MAGI1: variants seen among roughly 807,000 people sequenced by gnomAD.
MAGI1 encodes the protein membrane-associated guanylate kinase, WW and PDZ domain-containing protein 1.
MAGI1 carries 58 observed loss-of-function variants against 139.9 expected under a neutral mutation model. The ratio of observed to expected loss-of-function variants is 0.41; its 90% CI spans 0.34 to 0.52. MAGI1 has a LOEUF of 0.52. Ranked by LOEUF, MAGI1 falls within the 20% of genes least tolerant of loss-of-function variation. The pLI, the probability that MAGI1 is intolerant of heterozygous loss-of-function variation, is 0.12. For synonymous variants in MAGI1, 812 were observed against 737.9 expected, an observed-to-expected ratio of 1.10 and a Z score of -1.63; for missense variants, 1,874 against 1,901.6, an observed-to-expected ratio of 0.99 and a Z score of 0.27.
chr3:65,549,275 T>G, intron 2 of MAGI1: 1 of 378,422 alleles, frequency 2.6e-6, no homozygotes, highest in Non-Finnish European at 3.6e-6. Flanking sequence ...CCTCGCCTTC[T>G]CCTTCCTTCC....
intron 1 of MAGI1, among the ~76,000 whole-genome samples, chr3:65,738,621 T>G: frequency 6.6e-6 from 1 of 152,190 alleles, no homozygotes; most frequent in East Asian, 1.9e-4. Flanking sequence ...CTTGAAAGTT[T>G]AAGTGACTCC....
intron 1 of MAGI1, among the ~76,000 whole-genome samples, chr3:65,816,423 C>T (rs1487246348): frequency 6.6e-6 from 1 of 152,100 alleles, no homozygotes; most frequent in Non-Finnish European, 1.5e-5. Context: ...ATTTAAATAG[C>T]CACATGGGGT....
intron 2 of MAGI1, among the ~76,000 whole-genome samples, chr3:65,542,033 G>A (rs1576257137): frequency 1.3e-5 from 2 of 152,232 alleles, no homozygotes; most frequent in African/African-American, 4.8e-5. Context: ...CATCCTCTCA[G>A]CCCAAAATCT....
chr3:65,952,596 C>T (rs150228790), intron 1 of MAGI1, among the ~76,000 whole-genome samples: 1 of 152,138 alleles, frequency 6.6e-6, no homozygotes, highest in African/African-American at 2.4e-5. Flanking sequence ...GGGTGGATCA[C>T]GAGATCAGGA....
intron 1 of MAGI1, among the ~76,000 whole-genome samples, chr3:65,915,856 A>G (rs2061875931): frequency 1.3e-5 from 2 of 152,066 alleles, no homozygotes; most frequent in South Asian, 4.1e-4. Flanking sequence ...AACCCTGAAA[A>G]AAGGACTCAA....
chr3:65,458,365 T>G (rs1949541700), intron 5 of MAGI1, among the ~76,000 whole-genome samples: 1 of 151,590 alleles, frequency 6.6e-6, no homozygotes, highest in African/African-American at 2.4e-5. Context: ...TTTGTTTGTT[T>G]TTTTTTTTTG....
intron 1 of MAGI1, among the ~76,000 whole-genome samples, chr3:65,839,791 C>T (rs1269335337): frequency 6.6e-6 from 1 of 152,084 alleles, no homozygotes; most frequent in Non-Finnish European, 1.5e-5. Flanking sequence ...ACACAGAAGA[C>T]CTGTGAAGAT....
At chr3:65,679,059 G>A (rs761055164) in intron 1 of MAGI1, among the ~76,000 whole-genome samples, 8 of 151,686 alleles carry the variant, frequency 5.3e-5, no homozygotes, top group African/African-American at 7.3e-5. Flanking sequence ...TTAATTTCTC[G>A]TCAGCTAAGC....
At chr3:65,823,588 A>G (rs1188285721) in intron 1 of MAGI1, among the ~76,000 whole-genome samples, 1 of 152,180 alleles carries the variant, frequency 6.6e-6, no homozygotes, top group African/African-American at 2.4e-5. Flanking sequence ...TCAACAACCT[A>G]TCTTTATTCT....
intron 1 of MAGI1, among the ~76,000 whole-genome samples, chr3:65,777,192 C>A (rs1188444242): frequency 1.3e-5 from 2 of 152,110 alleles, no homozygotes; most frequent in African/African-American, 2.4e-5. Context: ...TTTTGAGAAG[C>A]AAACATACAG....
At chr3:65,640,145 G>C (rs1262552332) in intron 1 of MAGI1, among the ~76,000 whole-genome samples, 1 of 151,960 alleles carries the variant, frequency 6.6e-6, no homozygotes, top group Non-Finnish European at 1.5e-5. Context: ...TCTTCAGCTT[G>C]TCATGTGCAG....
chr3:65,915,060 T>G (rs2061836654), intron 1 of MAGI1, among the ~76,000 whole-genome samples: 1 of 152,212 alleles, frequency 6.6e-6, no homozygotes, highest in African/African-American at 2.4e-5. Flanking sequence ...AACAACTCAT[T>G]CAAGGACAAA....
intron 1 of MAGI1, among the ~76,000 whole-genome samples, chr3:65,700,715 T>G (rs1466464337): frequency 6.6e-6 from 1 of 152,208 alleles, no homozygotes; most frequent in Non-Finnish European, 1.5e-5. Context: ...AAAAAATGAC[T>G]GTAACACGTC....
At chr3:65,428,376 G>A (rs4467382) in intron 12 of MAGI1, among the ~76,000 whole-genome samples, 82,556 of 151,922 alleles carry the variant, frequency 0.54, 23,166 homozygotes, top group East Asian at 0.92. Context: ...ATGGTGGAAA[G>A]TATTGCTCAG....
rs147417354 is a variant in MAGI1, at chr3:65,760,002, A to G, written c.314-137914T>C. Among the ~76,000 whole-genome samples the G allele has an allele frequency of 2.9e-3, 441 of 152,302 alleles. 3 individuals carry two copies. The highest frequency in any genetic ancestry group is 0.01 in the African/African-American group (416 of 41,562). The stretch of plus-strand genomic sequence containing the variant: ...TCCTGAGCAAAAATTGGAGAGCACG[A>G]AAGTATTTCCTTCATGTAATAGAAT... On this transcript the variant is annotated intron_variant, in intron 1 of 22. Transcript: ENST00000402939.
At position 65,810,813 on chromosome 3, in the gene MAGI1, C is replaced by T. The variant is rs529601502; in HGVS notation, c.314-188725G>A. Among the ~76,000 whole-genome samples the T allele has an allele frequency of 3.9e-5, 6 of 152,298 alleles. No homozygotes were observed. The South Asian group carries it at 1.2e-3, about 32-fold the overall frequency. ...AGGTCCCTTCATGGTGCACACACAC[C>T]TCGTAATTGACTTTGTTTTGTTATT... On this transcript the variant is annotated intron_variant, in intron 1 of 22. Transcript: ENST00000402939.
intron 1 of MAGI1, among the ~76,000 whole-genome samples, chr3:65,760,316 G>C (rs1314525240): frequency 6.6e-6 from 1 of 151,562 alleles, no homozygotes; most frequent in Admixed American, 6.6e-5. Flanking sequence ...CTTTTTAAAA[G>C]GAAGAAACTG....
chr3:65,359,716 T>C lies in MAGI1; in HGVS notation c.3634+1483A>G, dbSNP rs984765790. ...GAGACATTACAGTAGCACAACCCTGTGGCAGGTTCAACCCTTCTTGGAAAA... is the reference window on the plus strand; with the variant it reads ...GAGACATTACAGTAGCACAACCCTGCGGCAGGTTCAACCCTTCTTGGAAAA... On this transcript the variant is annotated intron_variant, in intron 22 of 22. Transcript: ENST00000402939. The C allele has an allele frequency of 8.6e-5, 84 of 977,788 alleles. No individual in the cohort carries two copies. The South Asian group carries it at 1.8e-3, about 21-fold the overall frequency. The allele number at this position is 977,788 out of a possible 1,614,324, so 60.6% of individuals were successfully genotyped here.
chr3:65,918,942 AC>A (rs1333176824), intron 1 of MAGI1, among the ~76,000 whole-genome samples: 2 of 152,118 alleles, frequency 1.3e-5, no homozygotes, highest in Non-Finnish European at 2.9e-5. Flanking sequence ...CAAAAAAAAA[AC>A]AAACAAACAA....
Sources: gnomAD v4.1 joint callset for allele counts (sites outside exome capture counted in the v4.1 genomes callset) on GRCh38, gnomAD v4.1.1 for gene constraint, MANE v1.5 for transcripts, NCBI Gene and HGNC (gene_info 2026-07-23, HGNC 2026-07-21) for gene names.